LRBA: variants seen among roughly 807,000 people sequenced by gnomAD.
LRBA encodes lipopolysaccharide-responsive and beige-like anchor protein.
In LRBA, 176 loss-of-function variants were observed where a neutral mutation model predicts 330.0. The observed-to-expected ratio is 0.53, with a 90% confidence interval of 0.47 to 0.60. The LOEUF (loss-of-function observed/expected upper bound fraction) is 0.60, where lower values mean the gene tolerates loss of function less well. Among genes scored for constraint, LRBA ranks in the 20% least tolerant of loss-of-function variants. The pLI is 0.00. For synonymous variants in LRBA, 1,230 were observed against 1,193.0 expected, an observed-to-expected ratio of 1.03 and a Z score of -0.64; for missense variants, 3,259 against 3,444.8, an observed-to-expected ratio of 0.95 and a Z score of 1.35.
chr4:150,661,612 A>G (rs192276454), intron 37 of LRBA, among the ~76,000 whole-genome samples: 4 of 151,830 alleles, frequency 2.6e-5, no homozygotes, highest in Admixed American at 2.6e-4. Context: ...ATCATGTTTT[A>G]TTTTATTTTT....
At chr4:150,895,653 T>C (rs1316485948) in intron 16 of LRBA, among the ~76,000 whole-genome samples, 1 of 152,248 alleles carries the variant, frequency 6.6e-6, no homozygotes, top group Non-Finnish European at 1.5e-5. Context: ...ATGGTGTATA[T>C]GTGCCACATT....
At chr4:150,833,082 G>A (rs1012570988) in intron 28 of LRBA, among the ~76,000 whole-genome samples, 2 of 151,626 alleles carry the variant, frequency 1.3e-5, no homozygotes, top group Non-Finnish European at 2.9e-5. Flanking sequence ...GACCACAAAG[G>A]AATTCTTGAG....
chr4:150,806,354 C>G lies in LRBA; in HGVS notation c.5435G>C (p.Arg1812Pro), dbSNP rs770711457. ...AGGTGCAAAATCCACAAAAATCTCA[C>G]GAAGGAGAGGAGCTGCCTTTTCCAA... ...HALEKAAPLLREIFVDFAPFL... is the reference protein window; with the variant it reads ...HALEKAAPLLPEIFVDFAPFL... The change falls in exon 33 of 57, where the codon CGT becomes CCT. Residue 1812 changes from arginine (R) to proline (P), a missense_variant. By Grantham distance (103) the Arg-to-Pro change is moderately radical. Transcript: ENST00000651943. 1 of 1,610,534 alleles carries G rather than the reference C, an allele frequency of 6.2e-7. No individual in the cohort carries two copies. Among genetic ancestry groups the G allele is most frequent in the African/African-American group, 1.3e-5 (1 of 74,604 alleles).
intron 40 of LRBA, among the ~76,000 whole-genome samples, chr4:150,538,690 G>A (rs377027890): frequency 1.3e-5 from 2 of 151,880 alleles, no homozygotes; most frequent in South Asian, 4.2e-4. Context: ...CTGGCCAGGC[G>A]CACACCTGTA....
intron 34 of LRBA, among the ~76,000 whole-genome samples, chr4:150,767,105 C>CT (rs1440381693): frequency 3.9e-5 from 6 of 152,072 alleles, no homozygotes; most frequent in Non-Finnish European, 5.9e-5. Context: ...CAACAAAAGA[C>CT]TTCATTAACC....
chr4:150,559,123 A>G (rs1308532531), intron 40 of LRBA, among the ~76,000 whole-genome samples: 1 of 152,150 alleles, frequency 6.6e-6, no homozygotes, highest in African/African-American at 2.4e-5. Context: ...CACAAATCCA[A>G]ATGAAGACTA....
chr4:150,640,822 T>C (rs993446374), intron 37 of LRBA, among the ~76,000 whole-genome samples: 1 of 152,198 alleles, frequency 6.6e-6, no homozygotes, highest in African/African-American at 2.4e-5. Flanking sequence ...GGATATAAAA[T>C]AGGATCAAGA....
At chr4:150,708,062 C>T (rs1035426102) in intron 36 of LRBA, among the ~76,000 whole-genome samples, 2 of 151,762 alleles carry the variant, frequency 1.3e-5, no homozygotes, top group Non-Finnish European at 3.0e-5. Context: ...GGGCCTGCAA[C>T]TGATAGTTCA....
At chr4:150,545,646 C>T (rs1765774597) in intron 40 of LRBA, among the ~76,000 whole-genome samples, 1 of 151,998 alleles carries the variant, frequency 6.6e-6, no homozygotes, top group Admixed American at 6.6e-5. Flanking sequence ...TTTATATGTA[C>T]TGAATACTGG....
At chr4:150,737,899 A>G (rs1731421624) in intron 35 of LRBA, among the ~76,000 whole-genome samples, 1 of 151,146 alleles carries the variant, frequency 6.6e-6, no homozygotes, top group Non-Finnish European at 1.5e-5. Flanking sequence ...TGTGCCCTTC[A>G]TTACTTCACT....
At chr4:150,351,509 G>A (rs1342414235) in intron 47 of LRBA, among the ~76,000 whole-genome samples, 2 of 152,060 alleles carry the variant, frequency 1.3e-5, no homozygotes, top group Non-Finnish European at 1.5e-5. Flanking sequence ...CTAACACAGT[G>A]AAACCCTGTC....
At chr4:150,747,890 C>T (rs537681910) in intron 35 of LRBA, among the ~76,000 whole-genome samples, 1 of 152,316 alleles carries the variant, frequency 6.6e-6, no homozygotes, top group South Asian at 2.1e-4. Flanking sequence ...TAACCCTATC[C>T]TTGGTCTCCT....
chr4:150,839,790 G>C (rs1461541722), intron 28 of LRBA, among the ~76,000 whole-genome samples: 1 of 151,916 alleles, frequency 6.6e-6, no homozygotes, highest in Non-Finnish European at 1.5e-5. Context: ...TAATGTAAAT[G>C]ACAAGTTAAT....
chr4:150,953,668 A>G (rs957914835), intron 2 of LRBA, among the ~76,000 whole-genome samples: 3 of 151,942 alleles, frequency 2.0e-5, no homozygotes, highest in South Asian at 2.1e-4. Context: ...TGAGTGCTCA[A>G]TGTTGCCCAG....
At chr4:150,710,293 T>C (rs1473284985) in intron 36 of LRBA, among the ~76,000 whole-genome samples, 2 of 152,106 alleles carry the variant, frequency 1.3e-5, no homozygotes, top group East Asian at 3.8e-4. Flanking sequence ...GGAAGTGATA[T>C]TTCTCAGATG....
rs779863384 is a variant in LRBA, at chr4:150,302,620, C to G, written c.8017+5G>C. The stretch of plus-strand genomic sequence containing the variant: ...AAGTTTACTTAAAAAATGAGTCATA[C>G]TTACTGCCTGGGTTATCTCCAATCC... On this transcript the variant is annotated splice_donor_5th_base_variant and intron_variant, in intron 53 of 56. Transcript: ENST00000651943. 1.3e-6 allele frequency: 2 copies of G among 1,597,296 alleles called. No individual in the cohort carries two copies. Among genetic ancestry groups the G allele is most frequent in the Admixed American group, 3.4e-5 (2 of 58,566 alleles).
Position 150,849,078 on chromosome 4 carries a change from A to C in LRBA, c.4159-80T>G, listed in dbSNP as rs952440839. On this transcript the variant is annotated intron_variant, in intron 25 of 56. Coordinates refer to ENST00000651943, the MANE Select transcript of LRBA (RefSeq NM_001364905.1). The stretch of plus-strand genomic sequence containing the variant: ...ACCAGATATAGTCCTAAAATTTATA[A>C]ATTGCATAAGTAGTCAGACTTTCAG... The C allele has an allele frequency of 1.1e-5, 10 of 934,944 alleles. No individual in the cohort carries two copies. The Admixed American group carries it at 2.7e-4, about 26-fold the overall frequency. 57.9% of individuals were successfully genotyped at this position (934,944 alleles called of 1,614,324 possible).
intron 54 of LRBA, 131 bp from the exon 55 acceptor site, chr4:150,282,777 A>G (rs1432903661): frequency 1.1e-5 from 7 of 626,216 alleles, no homozygotes; most frequent in Non-Finnish European, 1.6e-5. Context: ...AAAAACTTCC[A>G]TCTTACGTGT....
intron 17 of LRBA, among the ~76,000 whole-genome samples, chr4:150,877,950 G>A (rs185001431): frequency 2.8e-4 from 43 of 152,224 alleles, no homozygotes; most frequent in African/African-American, 1.0e-3. Context: ...ACAATGAAAT[G>A]AAGGCAGAAA....
Sources: allele counts gnomAD v4.1 joint callset (sites outside exome capture counted in the v4.1 genomes callset), GRCh38; gene constraint gnomAD v4.1.1; transcripts MANE v1.5; gene names NCBI Gene and HGNC (gene_info 2026-07-23, HGNC 2026-07-21).